The following MC1R variants were observed in gnomAD, a reference collection of about 807,000 sequenced individuals.
MC1R encodes melanocyte-stimulating hormone receptor.
For missense variants in MC1R, 542 were observed against 430.0 expected, an observed-to-expected ratio of 1.26 and a Z score of -2.30; for synonymous variants, 263 against 203.8, an observed-to-expected ratio of 1.29 and a Z score of -2.47.
Position 89,920,947 on chromosome 16 carries a change from T to C in MC1R, c.*735T>C, listed in dbSNP as rs2045717527. On this transcript the variant is annotated 3_prime_UTR_variant, in exon 1 of 1. Transcript: ENST00000555147. ...TGAGCATGGGGCCAGGAAAGTCTGG[T>C]AATAAATGTGACTCAGCATCACCCA... The C allele has an allele frequency of 3.7e-6, 2 of 535,730 alleles. No individual in the cohort carries two copies. Among genetic ancestry groups the C allele is most frequent in the East Asian group, 6.4e-5 (2 of 31,204 alleles). 33.2% of individuals were successfully genotyped at this position (535,730 alleles called of 1,614,324 possible).
Position 89,920,698 on chromosome 16 carries a change from AG to A in MC1R, c.*487del. On this transcript the variant is annotated 3_prime_UTR_variant, in exon 1 of 1. Coordinates refer to ENST00000555147, the MANE Select transcript of MC1R (RefSeq NM_002386.4). The stretch of plus-strand genomic sequence containing the variant: ...AGGAGAAGGGGCTTTGTGACCAGAA[AG>A]CTTCATCCACAGCCTTGCAGCGGCT... 1 of 717,126 alleles carries A rather than the reference AG, an allele frequency of 1.4e-6. No individual in the cohort carries two copies. 44.4% of individuals were successfully genotyped at this position (717,126 alleles called of 1,614,324 possible).
rs2045696481 is a variant in MC1R at position 89,919,691 on chromosome 16, T to TC, written c.435dup (p.Ile146HisfsTer93). On this transcript the variant is annotated frameshift_variant, in exon 1 of 1. Coordinates refer to ENST00000555147, the MANE Select transcript of MC1R (RefSeq NM_002386.4). LOFTEE classifies it low-confidence loss of function (END_TRUNC). ...CGCCATCGCCGTGGACCGCTACATC[T>TC]CCATCTTCTACGCACTGCGCTACCA... The TC allele has an allele frequency of 1.2e-6, 2 of 1,606,246 alleles. No homozygotes were observed. Among genetic ancestry groups the TC allele is most frequent in the South Asian group, 1.1e-5 (1 of 91,064 alleles).
Position 89,919,323 on chromosome 16 carries a change from C to T in MC1R, c.65C>T (p.Pro22Leu), listed in dbSNP as rs1567757902. ...GSLNSTPTAI[P>L]QLGLAANQTG... ...CTCAACTCCACCCCCACAGCCATCCCCCAGCTGGGGCTGGCTGCCAACCAG... is the reference window on the plus strand; with the variant it reads ...CTCAACTCCACCCCCACAGCCATCCTCCAGCTGGGGCTGGCTGCCAACCAG... Residue 22 changes from proline (P) to leucine (L), a missense_variant, in exon 1 of 1, where the codon CCC (proline) becomes CTC (leucine). Physicochemically the swap from Pro to Leu is moderately conservative, Grantham distance 98 (BLOSUM62 -3). Coordinates refer to ENST00000555147, the MANE Select transcript of MC1R (RefSeq NM_002386.4). 2 of 1,612,084 alleles carry T rather than the reference C, an allele frequency of 1.2e-6. No homozygotes were observed. The highest frequency in any genetic ancestry group is 1.1e-5 in the South Asian group (1 of 90,950).
chr16:89,920,360 A>T lies in MC1R; in HGVS notation c.*148A>T. The T allele has an allele frequency of 1.4e-6, 1 of 714,356 alleles. No individual in the cohort carries two copies. The highest frequency in any genetic ancestry group is 2.4e-6 in the Non-Finnish European group (1 of 421,432). 44.3% of individuals were successfully genotyped at this position (714,356 alleles called of 1,614,324 possible). A position where few individuals can be genotyped will look rare whatever the true frequency, so the allele number is the denominator to read the frequency against. On this transcript the variant is annotated 3_prime_UTR_variant, in exon 1 of 1. Coordinates refer to ENST00000555147, the MANE Select transcript of MC1R (RefSeq NM_002386.4). ...ACTAAATGATCTCTGAAAGTGTTGA[A>T]GCGCGGACCCTTCTGGGTCCAGGGA... is the stretch of plus-strand genomic sequence containing the variant.
rs1193015164 is a variant in MC1R, at chr16:89,919,524, G to C, written c.266G>C (p.Gly89Ala). 1.2e-6 allele frequency: 2 copies of C among 1,613,000 alleles called. No homozygotes were observed. The highest frequency in any genetic ancestry group is 1.7e-6 in the Non-Finnish European group (2 of 1,179,710). Residue 89 changes from glycine to alanine, a missense_variant, in exon 1 of 1, where the codon GGG becomes GCG. Physicochemically the swap from Gly to Ala is moderately conservative, Grantham distance 60. Transcript: ENST00000555147. ...CLALSDLLVS[G>A]SNVLETAVIL... ...GCCTTGTCGGACCTGCTGGTGAGCG[G>C]GAGCAACGTGCTGGAGACGGCCGTC... is the stretch of plus-strand genomic sequence containing the variant.
At position 89,919,429 on chromosome 16, in the gene MC1R, G is replaced by A. The variant is rs774456071; in HGVS notation, c.171G>A (p.Ala57=). ...SLGLVSLVEN[A]LVVATIAKNR... ...GGCTGGTGAGCTTGGTGGAGAACGC[G>A]CTGGTGGTGGCCACCATCGCCAAGA... The change falls in exon 1 of 1, where the codon GCG becomes GCA. Residue 57 remains alanine (A), a synonymous_variant. Coordinates refer to ENST00000555147, the MANE Select transcript of MC1R (RefSeq NM_002386.4). 6.0e-5 allele frequency: 97 copies of A among 1,613,146 alleles called. No individual in the cohort carries two copies. The highest frequency in any genetic ancestry group is 8.1e-5 in the Non-Finnish European group (95 of 1,179,882).
At position 89,920,199 on chromosome 16, in the gene MC1R, C is replaced by T. The variant is rs772323341; in HGVS notation, c.941C>T (p.Thr314Ile). 6.2e-6 allele frequency: 10 copies of T among 1,613,684 alleles called. No individual in the cohort carries two copies. In the South Asian group the frequency reaches 8.8e-5, roughly 14 times the overall value. The change falls in exon 1 of 1, where the codon ACA (threonine) becomes ATA (isoleucine). Residue 314 changes from threonine to isoleucine, a missense_variant. By Grantham distance (89) the Thr-to-Ile change is moderately conservative. Transcript: ENST00000555147. ...CGCAGGACGCTCAAGGAGGTGCTGA[C>T]ATGCTCCTGGTGAGCGCGGTGCACG... ...ELRRTLKEVL[T>I]CSW
chr16:89,920,105 T>C lies in MC1R; in HGVS notation c.847T>C (p.Phe283Leu), dbSNP rs990355156. ...CGCIFKNFNL[F>L]LALIICNAII... ...CTGCATCTTCAAGAACTTCAACCTC[T>C]TTCTCGCCCTCATCATCTGCAATGC... is the stretch of plus-strand genomic sequence containing the variant. The change falls in exon 1 of 1, where the codon TTT becomes CTT. Residue 283 changes from phenylalanine (F) to leucine (L), a missense_variant. Phe to Leu is a conservative substitution (Grantham distance 22, BLOSUM62 0). Coordinates refer to ENST00000555147, the MANE Select transcript of MC1R (RefSeq NM_002386.4). 6.2e-7 allele frequency: 1 copy of C among 1,613,950 alleles called. No homozygotes were observed. Among genetic ancestry groups the C allele is most frequent in the African/African-American group, 1.3e-5 (1 of 75,056 alleles).
In MC1R at chr16:89,920,717, C is replaced by T. The variant is rs1477303773; in HGVS notation, c.*505C>T. 1 of 716,716 alleles carries T rather than the reference C, an allele frequency of 1.4e-6. No homozygotes were observed. Among genetic ancestry groups the T allele is most frequent in the Admixed American group, 2.0e-5 (1 of 49,858 alleles). The allele number at this position is 716,716 out of a possible 1,614,324, so 44.4% of individuals were successfully genotyped here. A position where few individuals can be genotyped will look rare whatever the true frequency, so the allele number is the denominator to read the frequency against. ...CCAGAAAGCTTCATCCACAGCCTTG[C>T]AGCGGCTCCTGCAAAAGGAGGTGAA... On this transcript the variant is annotated 3_prime_UTR_variant, in exon 1 of 1. Transcript: ENST00000555147.
In MC1R at chr16:89,920,050, C is replaced by T. The variant is rs181269865; in HGVS notation, c.792C>T (p.Ile264=). 2,526 of 1,613,824 alleles carry T rather than the reference C, an allele frequency of 1.6e-3. 8 individuals are homozygous for T. The highest frequency in any genetic ancestry group is 1.2e-3 in the Non-Finnish European group (1,414 of 1,179,892). The part of the protein sequence containing the change: ...WGPFFLHLTL[I]VLCPEHPTCG... The stretch of plus-strand genomic sequence containing the variant: ...CCTTCTTCCTGCATCTCACACTCAT[C>T]GTCCTCTGCCCCGAGCACCCCACGT... The change falls in exon 1 of 1, where the codon ATC becomes ATT. Residue 264 remains isoleucine (I), a synonymous_variant. Coordinates refer to ENST00000555147, the MANE Select transcript of MC1R (RefSeq NM_002386.4).
Position 89,919,876 on chromosome 16 carries a change from G to A in MC1R, c.618G>A (p.Leu206=). 7 of 1,606,436 alleles carry A rather than the reference G, an allele frequency of 4.4e-6. No homozygotes were observed. Among genetic ancestry groups the A allele is most frequent in the Non-Finnish European group, 5.9e-6 (7 of 1,179,604 alleles). Residue 206 remains leucine (L), a synonymous_variant, in exon 1 of 1, where the codon CTG becomes CTA. Transcript: ENST00000555147. The part of the protein sequence containing the change: ...FLAMLVLMAV[L]YVHMLARACQ... ...CTATGCTGGTGCTCATGGCCGTGCT[G>A]TACGTCCACATGCTGGCCCGGGCCT...
chr16:89,920,308 CTGGTCCCCGTTTGTCAAAGAGGA>C lies in MC1R; in HGVS notation c.*100_*122del. ...TGACCCTGGGCAGTTCCTTACCTCC[CTGGTCCCCGTTTGTCAAAGAGGA>C]TGGACTAAATGATCTCTGAAAGTGT... On this transcript the variant is annotated 3_prime_UTR_variant, in exon 1 of 1. Transcript: ENST00000555147. The C allele has an allele frequency of 9.8e-7, 1 of 1,016,580 alleles. No homozygotes were observed. Among genetic ancestry groups the C allele is most frequent in the Non-Finnish European group, 1.5e-6 (1 of 675,982 alleles). 63.0% of individuals were successfully genotyped at this position (1,016,580 alleles called of 1,614,324 possible). A position where few individuals can be genotyped will look rare whatever the true frequency, so the allele number is the denominator to read the frequency against.
In MC1R at chr16:89,920,604, C is replaced by G. The variant is rs1221121446; in HGVS notation, c.*392C>G. The G allele has an allele frequency of 1.4e-6, 1 of 695,896 alleles. No homozygotes were observed. Among genetic ancestry groups the G allele is most frequent in the Non-Finnish European group, 2.7e-6 (1 of 375,066 alleles). 43.1% of individuals were successfully genotyped at this position (695,896 alleles called of 1,614,324 possible). A position where few individuals can be genotyped will look rare whatever the true frequency, so the allele number is the denominator to read the frequency against. On this transcript the variant is annotated 3_prime_UTR_variant, in exon 1 of 1. Transcript: ENST00000555147. The stretch of plus-strand genomic sequence containing the variant: ...TTTGCTGCCAGCTCTCAGGACCGTG[C>G]CCTCGTCAGCTGGGATGTGAAGTCT...
rs577907985 is a variant in MC1R, at chr16:89,919,149, A to T, written c.-110A>T. The T allele has an allele frequency of 2.7e-6, 2 of 736,562 alleles. No individual in the cohort carries two copies. Among genetic ancestry groups the T allele is most frequent in the Non-Finnish European group, 2.2e-6 (1 of 451,800 alleles). 45.6% of individuals were successfully genotyped at this position (736,562 alleles called of 1,614,324 possible). ...AGATGGAAGGAGGCAGGCATGGGGG[A>T]CACCCAAGGCCCCCTGGCAGCACCA... is the stretch of plus-strand genomic sequence containing the variant. On this transcript the variant is annotated 5_prime_UTR_variant, in exon 1 of 1. Transcript: ENST00000555147.
At position 89,920,184 on chromosome 16, in the gene MC1R, T is replaced by G; in HGVS notation, c.926T>G (p.Leu309Arg). The change falls in exon 1 of 1, where the codon CTC (leucine) becomes CGC (arginine). Residue 309 changes from leucine (L) to arginine (R), a missense_variant. Coordinates refer to ENST00000555147, the MANE Select transcript of MC1R (RefSeq NM_002386.4). ...CACAGCCAGGAGCTCCGCAGGACGC[T>G]CAAGGAGGTGCTGACATGCTCCTGG... ...AFHSQELRRTLKEVLTCSW is the reference protein window; with the variant it reads ...AFHSQELRRTRKEVLTCSW 1 of 1,613,966 alleles carries G rather than the reference T, an allele frequency of 6.2e-7. No homozygotes were observed. Among genetic ancestry groups the G allele is most frequent in the Middle Eastern group, 1.6e-4 (1 of 6,062 alleles).
chr16:89,920,574 C>A lies in MC1R; in HGVS notation c.*362C>A, dbSNP rs1335834424. On this transcript the variant is annotated 3_prime_UTR_variant, in exon 1 of 1. Coordinates refer to ENST00000555147, the MANE Select transcript of MC1R (RefSeq NM_002386.4). Reference sequence around the variant, plus strand: ...ATGACTGAGCAGCATCCACCCCACCCCATCTTTGCTGCCAGCTCTCAGGAC... The same window carrying A: ...ATGACTGAGCAGCATCCACCCCACCACATCTTTGCTGCCAGCTCTCAGGAC... The A allele has an allele frequency of 3.0e-6, 2 of 663,958 alleles. No homozygotes were observed. The highest frequency in any genetic ancestry group is 4.8e-5 in the Admixed American group (2 of 41,398). 41.1% of individuals were successfully genotyped at this position (663,958 alleles called of 1,614,324 possible). A position where few individuals can be genotyped will look rare whatever the true frequency, so the allele number is the denominator to read the frequency against.
rs1322364649 is a variant in MC1R at position 89,919,222 on chromosome 16, G to A, written c.-37G>A. The A allele has an allele frequency of 1.4e-6, 2 of 1,392,610 alleles. No homozygotes were observed. The highest frequency in any genetic ancestry group is 2.0e-6 in the Non-Finnish European group (2 of 1,025,562). The allele number at this position is 1,392,610 out of a possible 1,614,324, so 86.3% of individuals were successfully genotyped here. ...GGGGAAGAACTGTGGGGACCTGGAG[G>A]CCTCCAACGACTCCTTCCTGCTTCC... On this transcript the variant is annotated 5_prime_UTR_variant, in exon 1 of 1. Coordinates refer to ENST00000555147, the MANE Select transcript of MC1R (RefSeq NM_002386.4).
At position 89,919,061 on chromosome 16, in the gene MC1R, G is replaced by A; in HGVS notation, c.-198G>A. ...TGCCAGGAGGTGTCTGGACTGGCTG[G>A]GCCATGCCTGGGCTGACCTGTCCAG... On this transcript the variant is annotated 5_prime_UTR_variant, in exon 1 of 1. An upstream open reading frame in the 5' UTR gains an earlier in-frame stop. Transcript: ENST00000555147. 1.7e-6 allele frequency: 1 copy of A among 582,464 alleles called. No homozygotes were observed. The highest frequency in any genetic ancestry group is 3.1e-6 in the Non-Finnish European group (1 of 327,608). 36.1% of individuals were successfully genotyped at this position (582,464 alleles called of 1,614,324 possible). A position where few individuals can be genotyped will look rare whatever the true frequency, so the allele number is the denominator to read the frequency against.
rs1403240332 is a variant in MC1R at position 89,919,323 on chromosome 16, CCCAGCTGGGGCTGGCTGCCAA to C, written c.70_90del (p.Leu24_Gln30del). ...CTCAACTCCACCCCCACAGCCATCC[CCCAGCTGGGGCTGGCTGCCAA>C]CCAGACAGGAGCCCGGTGCCTGGAG... On this transcript the variant is annotated inframe_deletion, in exon 1 of 1. Coordinates refer to ENST00000555147, the MANE Select transcript of MC1R (RefSeq NM_002386.4). The C allele has an allele frequency of 8.7e-6, 14 of 1,611,966 alleles. No individual in the cohort carries two copies. Among genetic ancestry groups the C allele is most frequent in the Non-Finnish European group, 1.2e-5 (14 of 1,179,430 alleles).
Sources: gnomAD v4.1 joint callset for allele counts on GRCh38, gnomAD v4.1.1 for gene constraint, MANE v1.5 for transcripts, NCBI Gene and HGNC (gene_info 2026-07-23, HGNC 2026-07-21) for gene names.